The following EIF3I variants were observed in gnomAD, a reference collection of about 807,000 sequenced individuals.
The protein encoded by EIF3I is eukaryotic translation initiation factor 3 subunit I.
EIF3I carries 20 observed loss-of-function variants against 43.3 expected under a neutral mutation model. The ratio of observed to expected loss-of-function variants is 0.46; its 90% CI spans 0.32 to 0.67. EIF3I has a LOEUF of 0.67. Ranked by LOEUF, EIF3I falls within the 30% of genes least tolerant of loss-of-function variation. The pLI is 0.03. For synonymous variants in EIF3I, 167 were observed against 151.7 expected, an observed-to-expected ratio of 1.10 and a Z score of -0.74; for missense variants, 279 against 421.4, an observed-to-expected ratio of 0.66 and a Z score of 2.96.
At chr1:32,225,707 G>A (rs968200339) in intron 4 of EIF3I, among the ~76,000 whole-genome samples, 56 of 151,146 alleles carry the variant, frequency 3.7e-4, no homozygotes, top group Admixed American at 2.6e-3. Context: ...GCAGCCTGCA[G>A]GACAAGAGCG....
chr1:32,235,377 CTGG>C (rs1639287367), downstream of EIF3I, among the ~76,000 whole-genome samples: 1 of 151,266 alleles, frequency 6.6e-6, no homozygotes, highest in Non-Finnish European at 1.5e-5. Flanking sequence ...TGTCTCCAGG[CTGG>C]AGTGCAGTGG....
At chr1:32,228,068 C>T (rs1468279880) in intron 6 of EIF3I, among the ~76,000 whole-genome samples, 1 of 152,192 alleles carries the variant, frequency 6.6e-6, no homozygotes, top group Non-Finnish European at 1.5e-5. Flanking sequence ...GAACATCCCA[C>T]AGGCAAAAGG....
intron 3 of EIF3I, 144 bp from the exon 4 acceptor site, chr1:32,224,266 C>T (rs1006751818): frequency 9.1e-7 from 1 of 1,093,474 alleles, no homozygotes; most frequent in African/African-American, 1.5e-5. Flanking sequence ...ACTGAGGAAA[C>T]ATTCAGGACA....
At chr1:32,230,240 T>G (rs1639214974) in intron 9 of EIF3I, among the ~76,000 whole-genome samples, 1 of 150,528 alleles carries the variant, frequency 6.6e-6, no homozygotes, top group African/African-American at 2.5e-5. Flanking sequence ...ATTTTTCTGC[T>G]TTATTATTAT....
intron 3 of EIF3I, 87 bp from the exon 4 acceptor site, chr1:32,224,323 G>T: frequency 7.9e-7 from 1 of 1,258,128 alleles, no homozygotes; most frequent in African/African-American, 1.5e-5. Context: ...AAGGCTCTTT[G>T]GGGCTGAACA....
intron 6 of EIF3I, 135 bp downstream of exon 6, chr1:32,226,665 C>A: frequency 2.1e-6 from 2 of 964,900 alleles, no homozygotes; most frequent in Non-Finnish European, 2.7e-6. Context: ...CTCCCTGGTT[C>A]AAGCAATTCC....
chr1:32,225,642 G>C (rs1035005954), intron 4 of EIF3I, among the ~76,000 whole-genome samples: 1 of 151,696 alleles, frequency 6.6e-6, no homozygotes, highest in Non-Finnish European at 1.5e-5. Context: ...TCAGGAGGCT[G>C]AGGCAGAAGA....
chr1:32,224,690 G>T (rs1299547), intron 4 of EIF3I, among the ~76,000 whole-genome samples: 149,969 of 149,980 alleles, frequency 1, 74,979 homozygotes, highest in Middle Eastern at 1. Context: ...TTCTTATTTT[G>T]GAGACAGAGT....
At chr1:32,233,313 C>G (rs944244051), downstream of EIF3I, among the ~76,000 whole-genome samples, 1 of 152,170 alleles carries the variant, frequency 6.6e-6, no homozygotes, top group Non-Finnish European at 1.5e-5. Context: ...TGCCAACATG[C>G]CCGGCTAATT....
intron 9 of EIF3I, 65 bp downstream of exon 9, chr1:32,229,273 G>T: frequency 1.3e-6 from 2 of 1,561,912 alleles, no homozygotes; most frequent in Non-Finnish European, 1.8e-6. Context: ...GTTTGTTTTT[G>T]TTTTTGAGAT....
intron 4 of EIF3I, 85 bp downstream of exon 4, chr1:32,224,560 G>A: frequency 1.0e-6 from 1 of 982,746 alleles, no homozygotes; most frequent in South Asian, 1.4e-5. Flanking sequence ...GGAAAATAGA[G>A]ATGAAATCCA....
rs1238660089 is a variant in EIF3I at position 32,226,165 on chromosome 1, C to G, written c.251-6C>G. ...ATGGTGTAGCCCAGACTTTGCCTGACTCCAGGAAAGCAGCTGGCCCTTCTC... is the reference window on the plus strand; with the variant it reads ...ATGGTGTAGCCCAGACTTTGCCTGAGTCCAGGAAAGCAGCTGGCCCTTCTC... On this transcript the variant is annotated splice_region_variant and splice_polypyrimidine_tract_variant and intron_variant, in intron 4 of 11. Transcript: ENST00000676679. 1 of 1,613,776 alleles carries G rather than the reference C, an allele frequency of 6.2e-7. No individual in the cohort carries two copies. The highest frequency in any genetic ancestry group is 8.5e-7 in the Non-Finnish European group (1 of 1,179,844).
At chr1:32,233,569 C>T (rs1300156787), downstream of EIF3I, among the ~76,000 whole-genome samples, 4 of 151,998 alleles carry the variant, frequency 2.6e-5, no homozygotes, top group East Asian at 1.9e-4. Context: ...GGATTACAGG[C>T]GTGAGCCACC....
At chr1:32,232,431 A>G (rs757132645), downstream of EIF3I, among the ~76,000 whole-genome samples, 4 of 152,212 alleles carry the variant, frequency 2.6e-5, no homozygotes, top group Non-Finnish European at 5.9e-5. Flanking sequence ...TTTTGCCTCA[A>G]TGTCAGAGAA....
chr1:32,226,906 C>G (rs1475743012), intron 6 of EIF3I, among the ~76,000 whole-genome samples: 1 of 142,762 alleles, frequency 7.0e-6, no homozygotes, highest in African/African-American at 2.6e-5. Flanking sequence ...GATCTCGGCT[C>G]ACTGCAACCT....
At chr1:32,230,933 C>A (rs1639225639) in exon 11 of EIF3I, 1 of 1,592,270 alleles carries the variant, frequency 6.3e-7, no homozygotes, top group African/African-American at 1.4e-5. Flanking sequence ...CCAGGTTCTT[C>A]CATTTGGCCT....
chr1:32,222,582 T>G, exon 2 of EIF3I: 1 of 1,614,128 alleles, frequency 6.2e-7, no homozygotes, highest in Non-Finnish European at 8.5e-7. Flanking sequence ...TTACGCAGAT[T>G]AAGTATAACC....
chr1:32,228,159 C>T (rs191716354), intron 6 of EIF3I, among the ~76,000 whole-genome samples: 8 of 152,220 alleles, frequency 5.3e-5, no homozygotes, highest in East Asian at 1.9e-4. Context: ...GGACAGAGGA[C>T]GGGGAATAGA....
downstream of EIF3I, chr1:32,234,304 C>CA (rs76358588): frequency 0.43 from 47,823 of 111,054 alleles, 12,173 homozygotes; most frequent in African/African-American, 0.76. Context: ...GACTTCATCT[C>CA]AAAAAAAAAA....
Sources: allele counts gnomAD v4.1 joint callset (sites outside exome capture counted in the v4.1 genomes callset), GRCh38; gene constraint gnomAD v4.1.1; transcripts MANE v1.5; gene names NCBI Gene and HGNC (gene_info 2026-07-23, HGNC 2026-07-21).